Variants in ARNT2 observed in about 807,000 individuals in gnomAD.
ARNT2 encodes aryl hydrocarbon receptor nuclear translocator 2.
ARNT2 carries 36 observed loss-of-function variants against 91.7 expected under a neutral mutation model. That is an observed-to-expected ratio of 0.39 (90% confidence interval 0.30 to 0.52). ARNT2 has a LOEUF of 0.52. Ranked by LOEUF, ARNT2 falls within the 20% of genes least tolerant of loss-of-function variation. The pLI, the probability that ARNT2 is intolerant of heterozygous loss-of-function variation, is 0.72. For missense variants in ARNT2, 775 were observed against 939.3 expected (o/e 0.83, Z 2.29); for synonymous variants, 365 against 347.1 (o/e 1.05, Z -0.57).
intron 8 of ARNT2, among the ~76,000 whole-genome samples, chr15:80,544,798 G>C (rs1461018714): frequency 6.6e-6 from 1 of 152,174 alleles, no homozygotes; most frequent in African/African-American, 2.4e-5. Flanking sequence ...TTTGTAGGAA[G>C]AACAGTTTAA....
Position 80,581,332 on chromosome 15 carries a change from C to T in ARNT2, c.1846C>T (p.Leu616Phe). 6.2e-7 allele frequency: 1 copy of T among 1,614,210 alleles called. No homozygotes were observed. Among genetic ancestry groups the T allele is most frequent in the Non-Finnish European group, 8.5e-7 (1 of 1,180,028 alleles). Residue 616 changes from leucine to phenylalanine, a missense_variant, in exon 17 of 19, where the codon CTC becomes TTC. Transcript: ENST00000303329. ...YPADPSSYSPLSSPATSSPSG... is the reference protein window; with the variant it reads ...YPADPSSYSPFSSPATSSPSG... ...GGCAGACCCCTCTTCCTACAGCCCC[C>T]TCTCCAGCCCAGCTACCTCCTCGCC...
intron 3 of ARNT2, among the ~76,000 whole-genome samples, chr15:80,465,599 T>C (rs887319524): frequency 3.3e-5 from 5 of 152,208 alleles, no homozygotes; most frequent in Non-Finnish European, 7.3e-5. Context: ...TTCTCAGATT[T>C]GGACCATGGC....
chr15:80,477,022 TGTA>T (rs1896815738), intron 5 of ARNT2, among the ~76,000 whole-genome samples: 1 of 152,180 alleles, frequency 6.6e-6, no homozygotes, highest in Non-Finnish European at 1.5e-5. Context: ...TCTGGTTGTG[TGTA>T]GTACCTTCCC....
chr15:80,597,593 A>C lies in ARNT2; in HGVS notation c.*3895A>C. On this transcript the variant is annotated 3_prime_UTR_variant, in exon 19 of 19. Coordinates refer to ENST00000303329, the MANE Select transcript of ARNT2 (RefSeq NM_014862.4). ...TGTGGCCAAAGCTAGTGTTATGGTC[A>C]ACAACAGGCCAGGGTCTGTGGGGCA... 1 of 201,788 alleles carries C rather than the reference A, an allele frequency of 5.0e-6. No homozygotes were observed. The highest frequency in any genetic ancestry group is 1.0e-5 in the Non-Finnish European group (1 of 96,476). The allele number at this position is 201,788 out of a possible 1,614,324, so 12.5% of individuals were successfully genotyped here.
At chr15:80,509,016 G>A (rs1432064886) in intron 6 of ARNT2, among the ~76,000 whole-genome samples, 2 of 152,172 alleles carry the variant, frequency 1.3e-5, no homozygotes, top group Non-Finnish European at 2.9e-5. Context: ...GATTGTTTGG[G>A]CTGTGGAGTT....
intron 8 of ARNT2, among the ~76,000 whole-genome samples, chr15:80,536,897 A>G (rs1897834604): frequency 6.6e-6 from 1 of 152,098 alleles, no homozygotes; most frequent in Non-Finnish European, 1.5e-5. Flanking sequence ...GTGGTCATTT[A>G]TCTTACATGA....
rs12437588 is a variant in ARNT2 at position 80,575,291 on chromosome 15, A to G, written c.1513+181A>G. On this transcript the variant is annotated intron_variant, in intron 14 of 18. Transcript: ENST00000303329. ...TGTCTACTCCTGGCCTTGCCTCTGT[A>G]TACCAGTTACCCAGGGTATGGTAAC... Among the ~76,000 whole-genome samples, 636 of 152,352 alleles carry G rather than the reference A, an allele frequency of 4.2e-3. 7 individuals are homozygous for G. Among genetic ancestry groups the G allele is most frequent in the Admixed American group, 0.028 (421 of 15,306 alleles).
In ARNT2 at chr15:80,475,005, T is replaced by C. The variant is rs775456800; in HGVS notation, c.409-5T>C. The C allele has an allele frequency of 8.9e-5, 144 of 1,613,838 alleles. No individual in the cohort carries two copies. Among genetic ancestry groups the C allele is most frequent in the Non-Finnish European group, 1.1e-4 (134 of 1,179,996 alleles). Reference sequence around the variant, plus strand: ...ATTGTGCCAATCATAATCTTTTCTTTATAGGAACTGAAGCATCTCATCCTT... The same window carrying C: ...ATTGTGCCAATCATAATCTTTTCTTCATAGGAACTGAAGCATCTCATCCTT... On this transcript the variant is annotated splice_polypyrimidine_tract_variant and splice_region_variant and intron_variant, in intron 4 of 18. Transcript: ENST00000303329.
intron 1 of ARNT2, among the ~76,000 whole-genome samples, chr15:80,409,034 A>T (rs1036421704): frequency 6.6e-6 from 1 of 152,272 alleles, no homozygotes; most frequent in East Asian, 1.9e-4. Flanking sequence ...TCCCCAGCAG[A>T]GTAGTACATG....
chr15:80,593,410 G>C (rs1006354350), intron 18 of ARNT2, among the ~76,000 whole-genome samples, 190 bp from the exon 19 acceptor site: 1 of 152,222 alleles, frequency 6.6e-6, no homozygotes, highest in South Asian at 2.1e-4. Flanking sequence ...TCCCTGGGGA[G>C]AACAGTTTCC....
chr15:80,433,123 A>G (rs988936972), intron 1 of ARNT2, among the ~76,000 whole-genome samples: 5 of 151,990 alleles, frequency 3.3e-5, no homozygotes, highest in African/African-American at 1.2e-4. Flanking sequence ...AAACCTCTTA[A>G]AGGGGATTTT....
chr15:80,585,017 A>G (rs1898868967), intron 17 of ARNT2, among the ~76,000 whole-genome samples: 2 of 152,214 alleles, frequency 1.3e-5, no homozygotes, highest in Non-Finnish European at 2.9e-5. Flanking sequence ...GACTGAGTTT[A>G]TACATTGAGT....
chr15:80,498,034 A>G (rs1897143298), intron 5 of ARNT2, among the ~76,000 whole-genome samples: 1 of 152,184 alleles, frequency 6.6e-6, no homozygotes, highest in Admixed American at 6.5e-5. Context: ...TCAGGCCAGA[A>G]CAGAATGAGG....
chr15:80,431,726 A>C (rs1896014832), intron 1 of ARNT2, among the ~76,000 whole-genome samples: 1 of 151,900 alleles, frequency 6.6e-6, no homozygotes, highest in Non-Finnish European at 1.5e-5. Context: ...TGTTGTCCCT[A>C]CTTATCCAGC....
intron 5 of ARNT2, chr15:80,488,777 A>G (rs1457228175): frequency 6.6e-6 from 1 of 152,184 alleles, no homozygotes; most frequent in Non-Finnish European, 1.5e-5. Flanking sequence ...TCAGGAAGAT[A>G]GTTTCTTAAT....
chr15:80,405,768 GAGTT>G (rs1895591310), intron 1 of ARNT2, among the ~76,000 whole-genome samples: 1 of 152,182 alleles, frequency 6.6e-6, no homozygotes, highest in African/African-American at 2.4e-5. Context: ...ATTTAACACT[GAGTT>G]GTTTGGATGT....
intron 5 of ARNT2, among the ~76,000 whole-genome samples, chr15:80,486,390 T>G (rs1455767762): frequency 2.0e-5 from 3 of 152,174 alleles, no homozygotes; most frequent in African/African-American, 7.2e-5. Flanking sequence ...AGTGGTTAAC[T>G]TCACCAGATA....
At chr15:80,496,248 C>T (rs1897125130) in intron 5 of ARNT2, among the ~76,000 whole-genome samples, 1 of 152,100 alleles carries the variant, frequency 6.6e-6, no homozygotes, top group South Asian at 2.1e-4. Flanking sequence ...TGGGACTGGG[C>T]TGTCTTCTAT....
intron 1 of ARNT2, among the ~76,000 whole-genome samples, chr15:80,432,444 A>G (rs1896024893): frequency 6.6e-6 from 1 of 152,210 alleles, no homozygotes. Flanking sequence ...AGAATATTCC[A>G]TGACATGTGG....
Sources: allele counts gnomAD v4.1 joint callset (sites outside exome capture counted in the v4.1 genomes callset), GRCh38; gene constraint gnomAD v4.1.1; transcripts MANE v1.5; gene names NCBI Gene and HGNC (gene_info 2026-07-23, HGNC 2026-07-21).